Variants in NUBPL observed in about 807,000 individuals in gnomAD.
The protein encoded by NUBPL is NUBP iron-sulfur cluster assembly factor, mitochondrial, also known as iron-sulfur cluster transfer protein NUBPL.
A neutral mutation model predicts 45.7 loss-of-function variants in NUBPL; 31 were observed. The ratio of observed to expected loss-of-function variants is 0.68; its 90% confidence interval spans 0.51 to 0.92. The LOEUF (loss-of-function observed/expected upper bound fraction) is 0.92. Ranked by LOEUF, NUBPL falls within the 40% of genes least tolerant of loss-of-function variation. NUBPL has a pLI of 0.00. For missense variants in NUBPL, 401 were observed against 398.7 expected (o/e 1.01, Z -0.05); for synonymous variants, 144 against 140.9 (o/e 1.02, Z -0.15).
At chr14:31,664,268 T>A (rs2036349306) in intron 4 of NUBPL, among the ~76,000 whole-genome samples, 1 of 152,182 alleles carries the variant, frequency 6.6e-6, no homozygotes, top group Non-Finnish European at 1.5e-5. Context: ...CTTCCAATAC[T>A]GTGTTGAGTA....
intron 6 of NUBPL, among the ~76,000 whole-genome samples, chr14:31,740,103 G>A (rs1274880115): frequency 6.6e-6 from 1 of 152,164 alleles, no homozygotes; most frequent in African/African-American, 2.4e-5. Context: ...TATGAATAAA[G>A]TTGCCATAAA....
chr14:31,587,813 C>CA (rs2034032747), intron 3 of NUBPL, among the ~76,000 whole-genome samples: 1 of 151,994 alleles, frequency 6.6e-6, no homozygotes, highest in African/African-American at 2.4e-5. Context: ...TGCTCTTAAA[C>CA]AAAAAACAGA....
intron 6 of NUBPL, among the ~76,000 whole-genome samples, chr14:31,734,542 A>G (rs1370541173): frequency 6.6e-6 from 1 of 152,216 alleles, no homozygotes; most frequent in Non-Finnish European, 1.5e-5. Context: ...TATCTTCATA[A>G]CAGTTTATTG....
chr14:31,563,776 C>T (rs778904111), intron 2 of NUBPL, among the ~76,000 whole-genome samples: 1 of 152,152 alleles, frequency 6.6e-6, no homozygotes, highest in African/African-American at 2.4e-5. Flanking sequence ...ATGAATTGCC[C>T]TCTGAAAGTT....
At chr14:31,817,883 A>G (rs1416940762) in intron 7 of NUBPL, among the ~76,000 whole-genome samples, 1 of 152,200 alleles carries the variant, frequency 6.6e-6, no homozygotes, top group African/African-American at 2.4e-5. Context: ...ATAAAGAGTC[A>G]AGACCCATCA....
At chr14:31,646,825 C>T (rs2035866521) in intron 4 of NUBPL, among the ~76,000 whole-genome samples, 1 of 149,902 alleles carries the variant, frequency 6.7e-6, no homozygotes, top group Non-Finnish European at 1.5e-5. Context: ...GCTCCCTCTT[C>T]AGCACCAACA....
intron 4 of NUBPL, among the ~76,000 whole-genome samples, chr14:31,611,923 A>G (rs2034769916): frequency 6.6e-6 from 1 of 152,244 alleles, no homozygotes; most frequent in Non-Finnish European, 1.5e-5. Flanking sequence ...AAATCAAATA[A>G]AAATGGATGA....
At chr14:31,677,642 C>G (rs2036731548) in intron 6 of NUBPL, among the ~76,000 whole-genome samples, 1 of 152,214 alleles carries the variant, frequency 6.6e-6, no homozygotes, top group Non-Finnish European at 1.5e-5. Context: ...TCTTCCCTTA[C>G]TTTCTCCCAA....
At chr14:31,585,081 T>C (rs2033960799) in intron 3 of NUBPL, among the ~76,000 whole-genome samples, 1 of 152,158 alleles carries the variant, frequency 6.6e-6, no homozygotes, top group Admixed American at 6.5e-5. Flanking sequence ...AATATGTGCT[T>C]TTTCTGACTG....
At chr14:31,621,143 C>T (rs1037292846) in intron 4 of NUBPL, among the ~76,000 whole-genome samples, 2 of 152,148 alleles carry the variant, frequency 1.3e-5, no homozygotes, top group South Asian at 2.1e-4. Context: ...CTACGAAGGT[C>T]GAGCGTCCCA....
intron 4 of NUBPL, among the ~76,000 whole-genome samples, chr14:31,640,392 G>C (rs979881256): frequency 1.3e-5 from 2 of 152,128 alleles, no homozygotes; most frequent in East Asian, 3.9e-4. Flanking sequence ...TTGAGGGCAG[G>C]AGTTTGAAAC....
chr14:31,640,055 G>C (rs567096534), intron 4 of NUBPL, among the ~76,000 whole-genome samples: 2 of 152,082 alleles, frequency 1.3e-5, no homozygotes, highest in Non-Finnish European at 2.9e-5. Flanking sequence ...GCAGTGCCTC[G>C]CCCTGCTTCG....
At chr14:31,853,664 G>A (rs1035658756) in intron 10 of NUBPL, among the ~76,000 whole-genome samples, 3 of 152,152 alleles carry the variant, frequency 2.0e-5, no homozygotes, top group Non-Finnish European at 4.4e-5. Flanking sequence ...GGAAATGTTG[G>A]AAGAGCTGTT....
In NUBPL at chr14:31,657,317, C is replaced by T. The variant is rs144184339; in HGVS notation, c.383-16038C>T. On this transcript the variant is annotated intron_variant, in intron 4 of 10. Coordinates refer to ENST00000281081, the MANE Select transcript of NUBPL (RefSeq NM_025152.3). ...TATATGGGCCATTCATATAAGCTTT[C>T]AAATCTCTAGTGTAACTAAATGGGT... 2.6e-5 allele frequency among the ~76,000 whole-genome samples: 4 copies of T among 152,206 alleles called. No homozygotes were observed. In the East Asian group the frequency reaches 7.7e-4, roughly 29 times the overall value.
At chr14:31,719,033 C>T (rs2037750238) in intron 6 of NUBPL, among the ~76,000 whole-genome samples, 1 of 152,128 alleles carries the variant, frequency 6.6e-6, no homozygotes, top group Admixed American at 6.5e-5. Context: ...TACCAAAAAT[C>T]ACAGCTTAGC....
chr14:31,646,991 A>G (rs1463328274), intron 4 of NUBPL, among the ~76,000 whole-genome samples: 1 of 151,804 alleles, frequency 6.6e-6, no homozygotes, highest in East Asian at 1.9e-4. Flanking sequence ...GCTGCTGACT[A>G]CTTCTAATGA....
At chr14:31,619,482 G>T (rs1195987856) in intron 4 of NUBPL, among the ~76,000 whole-genome samples, 1 of 151,990 alleles carries the variant, frequency 6.6e-6, no homozygotes, top group Non-Finnish European at 1.5e-5. Context: ...CAGGCCTGGT[G>T]GTGACAAAAT....
chr14:31,808,312 G>A (rs1172949817), intron 7 of NUBPL, among the ~76,000 whole-genome samples: 1 of 152,118 alleles, frequency 6.6e-6, no homozygotes, highest in East Asian at 1.9e-4. Flanking sequence ...GCAGTGGTTT[G>A]TAGTTCTCCT....
At chr14:31,650,784 C>T (rs2035982231) in intron 4 of NUBPL, among the ~76,000 whole-genome samples, 1 of 152,108 alleles carries the variant, frequency 6.6e-6, no homozygotes, top group Non-Finnish European at 1.5e-5. Context: ...GTGTATTTGG[C>T]TCATGATTTT....
Sources: allele counts gnomAD v4.1 joint callset (sites outside exome capture counted in the v4.1 genomes callset), GRCh38; gene constraint gnomAD v4.1.1; transcripts MANE v1.5; gene names NCBI Gene and HGNC (gene_info 2026-07-23, HGNC 2026-07-21).